The following PCDH11X variants were observed in gnomAD, a reference collection of about 807,000 sequenced individuals.
PCDH11X encodes the protein protocadherin-11 X-linked.
PCDH11X carries 18 observed loss-of-function variants against 53.3 expected under a neutral mutation model. The ratio of observed to expected loss-of-function variants is 0.34; its 90% confidence interval spans 0.23 to 0.50. PCDH11X has a LOEUF of 0.50. PCDH11X is among the 20% of genes least tolerant of loss of function. The probability of loss-of-function intolerance (pLI) is 0.98; values close to 1 mark genes in which losing one functional copy is unlikely to be tolerated. For synonymous variants in PCDH11X, 279 were observed against 393.3 expected (o/e 0.71, Z 3.44); for missense variants, 570 against 1,032.4 (o/e 0.55, Z 6.14).
intron 6 of PCDH11X, among the ~76,000 whole-genome samples, chrX:92,012,711 G>C (rs2062713693): frequency 9.0e-6 from 1 of 111,390 alleles, no homozygotes. Flanking sequence ...TTGGACAAAA[G>C]TCTTTTGGAT....
chrX:92,544,566 A>AT (rs750074035), intron 10 of PCDH11X, among the ~76,000 whole-genome samples: 23 of 106,641 alleles, frequency 2.2e-4, no homozygotes, highest in Non-Finnish European at 3.9e-4. Context: ...TTGTTTTATT[A>AT]TTTTTTTTCT....
At chrX:91,810,006 T>C (rs1936247121) in intron 2 of PCDH11X, among the ~76,000 whole-genome samples, 1 of 111,565 alleles carries the variant, frequency 9.0e-6, no homozygotes, top group Non-Finnish European at 1.9e-5. Context: ...ATTTAATCCA[T>C]ACTTTTTGCA....
chrX:91,846,338 C>T, intron 5 of PCDH11X, among the ~76,000 whole-genome samples: 1 of 111,372 alleles, frequency 9.0e-6, no homozygotes, highest in Middle Eastern at 4.7e-3. Flanking sequence ...TTATTTTAGG[C>T]CGGGCGCGGT....
At chrX:92,177,315 A>C (rs1183901550) in intron 6 of PCDH11X, among the ~76,000 whole-genome samples, 1 of 111,348 alleles carries the variant, frequency 9.0e-6, no homozygotes, top group African/African-American at 3.3e-5. Flanking sequence ...AGTTTGAGGC[A>C]TGGTGCTCTA....
At position 92,054,713 on chromosome X, in the gene PCDH11X, G is replaced by T. The variant is rs769034185; in HGVS notation, c.3034-146662G>T. Among the ~76,000 whole-genome samples, 250 of 107,975 alleles carry T rather than the reference G, an allele frequency of 2.3e-3. 2 individuals are homozygous for T. In the Middle Eastern group the frequency reaches 0.029, roughly 13 times the overall value. 93.8% of individuals were successfully genotyped at this position (107,975 alleles called of 115,157 possible). ...CACATGCCTGTAATCCCAGCTACTC[G>T]GGAGGCTGAGGCAGGAGAATCACTT... On this transcript the variant is annotated intron_variant, in intron 6 of 10. Coordinates refer to ENST00000682573, the MANE Select transcript of PCDH11X (RefSeq NM_032968.5).
intron 1 of PCDH11X, among the ~76,000 whole-genome samples, 163 bp downstream of exon 1, chrX:91,779,847 C>T (rs1318671922): frequency 8.2e-5 from 9 of 109,555 alleles, no homozygotes; most frequent in Non-Finnish European, 1.7e-4. Flanking sequence ...CTTCTCTTCC[C>T]GGGAGGTAAG....
chrX:92,111,634 T>C (rs1339509468), intron 6 of PCDH11X, among the ~76,000 whole-genome samples: 1 of 111,398 alleles, frequency 9.0e-6, no homozygotes, highest in African/African-American at 3.3e-5. Context: ...TATAGTCCAA[T>C]GTCATCATTT....
chrX:91,844,092 T>C (rs185160705), intron 5 of PCDH11X, among the ~76,000 whole-genome samples: 3 of 111,919 alleles, frequency 2.7e-5, no homozygotes, highest in East Asian at 2.8e-4. Flanking sequence ...ACAATAGTTA[T>C]GGGTTTTACT....
chrX:91,882,794 C>G, intron 6 of PCDH11X: 1 of 1,071,323 alleles, frequency 9.3e-7, no homozygotes, highest in Non-Finnish European at 1.3e-6. Flanking sequence ...GTAACTTTGA[C>G]TCTGCATTTA....
At chrX:91,977,236 A>G (rs1457954557) in intron 6 of PCDH11X, among the ~76,000 whole-genome samples, 1 of 111,557 alleles carries the variant, frequency 9.0e-6, no homozygotes, top group Non-Finnish European at 1.9e-5. Flanking sequence ...ATCACTTCTA[A>G]TTATATAGTC....
At chrX:92,402,964 A>G (rs2071417252) in intron 9 of PCDH11X, among the ~76,000 whole-genome samples, 1 of 110,681 alleles carries the variant, frequency 9.0e-6, no homozygotes, top group Admixed American at 9.7e-5. Context: ...ATAATTTCAT[A>G]TATTTGCCAA....
intron 9 of PCDH11X, among the ~76,000 whole-genome samples, chrX:92,448,277 T>A (rs2072700712): frequency 9.2e-6 from 1 of 108,464 alleles, no homozygotes; most frequent in Admixed American, 9.9e-5. Context: ...AATGATATGG[T>A]TTGGCTGTGT....
rs772771678 is a variant in PCDH11X at position 92,019,820 on chromosome X, T to C, written c.3033+140547T>C. ...AAGCAGCAGAGATTGGAGGTTGCCATGGAAAAGAACCATAACAGCATGCAA... is the reference window on the plus strand; with the variant it reads ...AAGCAGCAGAGATTGGAGGTTGCCACGGAAAAGAACCATAACAGCATGCAA... On this transcript the variant is annotated intron_variant, in intron 6 of 10. Coordinates refer to ENST00000682573, the MANE Select transcript of PCDH11X (RefSeq NM_032968.5). 3.6e-5 allele frequency among the ~76,000 whole-genome samples: 4 copies of C among 111,655 alleles called. No individual in the cohort carries two copies. The South Asian group carries it at 1.5e-3, about 42-fold the overall frequency.
chrX:92,294,734 A>C (rs1346618570), intron 8 of PCDH11X, among the ~76,000 whole-genome samples: 1 of 110,577 alleles, frequency 9.0e-6, no homozygotes, highest in African/African-American at 3.3e-5. Context: ...CATCAAGAAG[A>C]GCTTAGGGTT....
chrX:92,134,524 C>T (rs2065051957), intron 6 of PCDH11X, among the ~76,000 whole-genome samples: 1 of 110,565 alleles, frequency 9.0e-6, no homozygotes, highest in South Asian at 3.9e-4. Flanking sequence ...AAAGGTGTAA[C>T]CGAAAAGGGG....
chrX:91,823,407 T>C (rs1392939615), intron 4 of PCDH11X, among the ~76,000 whole-genome samples: 1 of 111,406 alleles, frequency 9.0e-6, no homozygotes, highest in African/African-American at 3.3e-5. Context: ...CTTGTTGAAT[T>C]GATCCCTTTA....
At chrX:92,378,704 G>A (rs1438693920) in intron 8 of PCDH11X, among the ~76,000 whole-genome samples, 3 of 111,440 alleles carry the variant, frequency 2.7e-5, no homozygotes, top group African/African-American at 9.8e-5. Context: ...AGACAAGGAG[G>A]CATCTTTTCA....
rs758045311 is a variant in PCDH11X, at chrX:92,310,851, C to T, written c.3144+47708C>T. Among the ~76,000 whole-genome samples, 13 of 111,855 alleles carry T rather than the reference C, an allele frequency of 1.2e-4. No individual in the cohort carries two copies. In the East Asian group the frequency reaches 2.8e-3, roughly 24 times the overall value. On this transcript the variant is annotated intron_variant, in intron 8 of 10. Coordinates refer to ENST00000682573, the MANE Select transcript of PCDH11X (RefSeq NM_032968.5). ...ATAGTTAAAATGTAGATTTCGTTTT[C>T]GTAAATGTAGCGCATTGTAGATTTT... is the stretch of plus-strand genomic sequence containing the variant.
chrX:91,947,200 T>C (rs1482019820), intron 6 of PCDH11X, among the ~76,000 whole-genome samples: 2 of 108,658 alleles, frequency 1.8e-5, no homozygotes, highest in African/African-American at 6.7e-5. Flanking sequence ...AAGTTTGTGT[T>C]GGGGGGGTGC....
Sources: gnomAD v4.1 joint callset for allele counts (sites outside exome capture counted in the v4.1 genomes callset) on GRCh38, gnomAD v4.1.1 for gene constraint, MANE v1.5 for transcripts, NCBI Gene and HGNC (gene_info 2026-07-23, HGNC 2026-07-21) for gene names.